Variants in ATP8A2 observed in about 807,000 individuals in gnomAD.
ATP8A2 encodes ATPase phospholipid transporting 8A2.
ATP8A2 carries 100 observed loss-of-function variants against 165.6 expected under a neutral mutation model. That is an observed-to-expected ratio of 0.60 (90% confidence interval 0.51 to 0.71). The LOEUF is 0.71. Ranked by LOEUF, ATP8A2 falls within the 30% of genes least tolerant of loss-of-function variation. ATP8A2 has a pLI of 0.00. For synonymous variants in ATP8A2, 543 were observed against 548.8 expected (o/e 0.99, Z 0.15); for missense variants, 1,227 against 1,479.5 (o/e 0.83, Z 2.80).
intron 36 of ATP8A2, among the ~76,000 whole-genome samples, chr13:26,018,437 G>A (rs779826891): frequency 6.6e-6 from 1 of 152,198 alleles, no homozygotes; most frequent in Non-Finnish European, 1.5e-5. Flanking sequence ...CTGATTCATG[G>A]GCACCCTTTT....
chr13:25,490,833 A>G (rs1451285447), intron 2 of ATP8A2, among the ~76,000 whole-genome samples: 1 of 151,464 alleles, frequency 6.6e-6, no homozygotes, highest in Non-Finnish European at 1.5e-5. Flanking sequence ...GTCATACTTC[A>G]TTACAGCCTC....
chr13:25,428,635 G>C (rs7999309), intron 1 of ATP8A2, among the ~76,000 whole-genome samples: 27,224 of 152,120 alleles, frequency 0.18, 3,051 homozygotes, highest in East Asian at 0.4. Flanking sequence ...TTAAGTGTGA[G>C]GAGGTGGCAA....
intron 33 of ATP8A2, among the ~76,000 whole-genome samples, chr13:25,880,653 T>C (rs1807604554): frequency 6.6e-6 from 1 of 152,202 alleles, no homozygotes; most frequent in African/African-American, 2.4e-5. Flanking sequence ...GGAAATGGTA[T>C]TGATAAGCTA....
intron 30 of ATP8A2, among the ~76,000 whole-genome samples, chr13:25,847,611 G>A (rs1044917061): frequency 3.3e-5 from 5 of 152,192 alleles, no homozygotes; most frequent in African/African-American, 1.2e-4. Flanking sequence ...GGATTAGCCA[G>A]GGAATCTCAG....
intron 1 of ATP8A2, among the ~76,000 whole-genome samples, chr13:25,403,095 T>TGC (rs2033689932): frequency 6.6e-6 from 1 of 152,210 alleles, no homozygotes; most frequent in Admixed American, 6.5e-5. Flanking sequence ...CTTTTAATAC[T>TGC]GCTGCATTGG....
chr13:25,458,755 G>A lies in ATP8A2; in HGVS notation c.77-10222G>A, dbSNP rs370062166. The stretch of plus-strand genomic sequence containing the variant: ...AGATGAGGTGTGTGGGATAAGTGAG[G>A]ATAATACTGAGGAGCAACAGGGAGG... On this transcript the variant is annotated intron_variant, in intron 1 of 36. Coordinates refer to ENST00000381655, the MANE Select transcript of ATP8A2 (RefSeq NM_016529.6). 6.6e-4 allele frequency among the ~76,000 whole-genome samples: 101 copies of A among 152,318 alleles called. No individual in the cohort carries two copies. In the South Asian group the frequency reaches 0.02, roughly 31 times the overall value.
intron 29 of ATP8A2, among the ~76,000 whole-genome samples, chr13:25,839,226 C>G (rs894821670): frequency 1.3e-5 from 2 of 152,094 alleles, no homozygotes; most frequent in Non-Finnish European, 1.5e-5. Flanking sequence ...GGTGTTGTCT[C>G]TCTTACAATG....
Position 25,554,531 on chromosome 13 carries a change from G to A in ATP8A2, c.1186-460G>A, listed in dbSNP as rs139025880. Among the ~76,000 whole-genome samples the A allele has an allele frequency of 8.1e-3, 813 of 99,928 alleles. 5 individuals are homozygous for A. Among genetic ancestry groups the A allele is most frequent in the African/African-American group, 0.032 (698 of 22,062 alleles). 65.6% of individuals were successfully genotyped at this position (99,928 alleles called of 152,430 possible). The stretch of plus-strand genomic sequence containing the variant: ...AAATCATGTGTGTGTGTGTGTGTAT[G>A]TGTGTGTGTGTGTGTGTGTGTGTGT... On this transcript the variant is annotated intron_variant, in intron 12 of 36. Coordinates refer to ENST00000381655, the MANE Select transcript of ATP8A2 (RefSeq NM_016529.6).
At chr13:26,002,591 GT>G (rs1303152020) in intron 35 of ATP8A2, among the ~76,000 whole-genome samples, 4 of 147,418 alleles carry the variant, frequency 2.7e-5, no homozygotes, top group Non-Finnish European at 6.0e-5. Context: ...CACTCCTTTT[GT>G]CTAATTGAAA....
At chr13:25,729,794 T>G (rs996898417) in intron 25 of ATP8A2, among the ~76,000 whole-genome samples, 2 of 152,178 alleles carry the variant, frequency 1.3e-5, no homozygotes, top group African/African-American at 4.8e-5. Flanking sequence ...TAGCACTTCC[T>G]AAACTGTAGT....
intron 1 of ATP8A2, among the ~76,000 whole-genome samples, chr13:25,461,479 A>G (rs1344693913): frequency 6.6e-6 from 1 of 152,188 alleles, no homozygotes; most frequent in East Asian, 1.9e-4. Flanking sequence ...AGCGGAATGT[A>G]TGTGTATATG....
chr13:26,011,349 C>G (rs1007221117), intron 35 of ATP8A2, among the ~76,000 whole-genome samples: 1 of 152,178 alleles, frequency 6.6e-6, no homozygotes, highest in Non-Finnish European at 1.5e-5. Flanking sequence ...GTCCTCATCT[C>G]CTCTTCTTAT....
intron 24 of ATP8A2, among the ~76,000 whole-genome samples, chr13:25,616,377 T>C (rs906775838): frequency 1.4e-5 from 2 of 146,722 alleles, no homozygotes; most frequent in Non-Finnish European, 3.0e-5. Flanking sequence ...TGTCACCCAG[T>C]CTGGAGTGCA....
chr13:25,461,769 G>A (rs1428805199), intron 1 of ATP8A2, among the ~76,000 whole-genome samples: 1 of 151,978 alleles, frequency 6.6e-6, no homozygotes, highest in Non-Finnish European at 1.5e-5. Context: ...TTTATATAAG[G>A]GCTCAGCAAA....
intron 25 of ATP8A2, among the ~76,000 whole-genome samples, chr13:25,755,984 G>A (rs771388520): frequency 3.9e-5 from 6 of 152,134 alleles, no homozygotes; most frequent in Non-Finnish European, 7.3e-5. Context: ...ACAGGGACAC[G>A]TCAGCCAAGA....
chr13:25,413,865 CCT>C (rs778400679), intron 1 of ATP8A2, among the ~76,000 whole-genome samples: 11 of 151,990 alleles, frequency 7.2e-5, no homozygotes, highest in African/African-American at 2.4e-4. Context: ...TTAACAATCC[CCT>C]GTTTTTTTAT....
At chr13:25,422,180 C>A (rs529456561) in intron 1 of ATP8A2, among the ~76,000 whole-genome samples, 4 of 151,938 alleles carry the variant, frequency 2.6e-5, no homozygotes, top group African/African-American at 9.7e-5. Context: ...ACTTATGACT[C>A]GAGAGTAATA....
At chr13:25,778,887 A>G (rs1231700986) in intron 27 of ATP8A2, among the ~76,000 whole-genome samples, 4 of 152,200 alleles carry the variant, frequency 2.6e-5, no homozygotes, top group African/African-American at 7.2e-5. Context: ...GTTCCATTCT[A>G]TGAATTAAAA....
chr13:25,831,708 C>T (rs1364980910), intron 28 of ATP8A2, among the ~76,000 whole-genome samples: 1 of 151,296 alleles, frequency 6.6e-6, no homozygotes, highest in Non-Finnish European at 1.5e-5. Context: ...CTGGGCGTGA[C>T]GGTGTGCACC....
Sources: allele counts gnomAD v4.1 joint callset (sites outside exome capture counted in the v4.1 genomes callset), GRCh38; gene constraint gnomAD v4.1.1; transcripts MANE v1.5; gene names NCBI Gene and HGNC (gene_info 2026-07-23, HGNC 2026-07-21).